The following NXN variants were observed in gnomAD, a reference collection of about 807,000 sequenced individuals.
NXN encodes the protein nucleoredoxin 1.
A neutral mutation model predicts 48.6 loss-of-function variants in NXN; 16 were observed. That is an observed-to-expected ratio of 0.33 (90% CI 0.22 to 0.50). The LOEUF (loss-of-function observed/expected upper bound fraction) is 0.50. Among genes scored for constraint, NXN ranks in the 20% least tolerant of loss-of-function variants. The probability of loss-of-function intolerance (pLI) is 0.98; values close to 1 mark genes in which losing one functional copy is unlikely to be tolerated. For missense variants in NXN, 492 were observed against 605.5 expected (o/e 0.81, Z 1.97); for synonymous variants, 281 against 269.6 (o/e 1.04, Z -0.41).
At chr17:877,425 C>T (rs549180618) in intron 1 of NXN, among the ~76,000 whole-genome samples, 29 of 152,244 alleles carry the variant, frequency 1.9e-4, no homozygotes, top group East Asian at 5.8e-4. Context: ...GAATTACAGG[C>T]GTGAGCCACC....
At chr17:896,856 C>CGGGGGGGGGGGGG in intron 1 of NXN, 2 of 1,156,932 alleles carry the variant, frequency 1.7e-6, no homozygotes, top group Non-Finnish European at 2.2e-6. Context: ...CGGTCCTGAC[C>CGGGGGGGGGGGGG]ACCCGCCCCC....
At chr17:943,694 C>T (rs138798560) in intron 1 of NXN, among the ~76,000 whole-genome samples, 3,557 of 151,618 alleles carry the variant, frequency 0.023, 55 homozygotes, top group Non-Finnish European at 0.035. Context: ...TGGTGATGCA[C>T]GCCTGTAATC....
chr17:920,156 G>A lies in NXN; in HGVS notation c.360+59163C>T, dbSNP rs140563747. 3.8e-4 allele frequency among the ~76,000 whole-genome samples: 57 copies of A among 151,960 alleles called. No individual in the cohort carries two copies. The East Asian group carries it at 7.8e-3, about 21-fold the overall frequency. On this transcript the variant is annotated intron_variant, in intron 1 of 7. Transcript: ENST00000336868. The surrounding 1 kb of genome is among the most constrained non-coding windows in gnomAD (Gnocchi z 4.6). ...CTCAAGCGATCAGCCCATCTCAGCC[G>A]CCCAAAGTGCTGGGATGACAAGCAC...
intron 1 of NXN, among the ~76,000 whole-genome samples, chr17:951,071 T>G (rs2069103427): frequency 6.7e-6 from 1 of 149,206 alleles, no homozygotes; most frequent in Admixed American, 6.8e-5. Context: ...GCACGGTGGC[T>G]CACGCCTGTA....
chr17:951,393 T>C (rs879584249), intron 1 of NXN, among the ~76,000 whole-genome samples: 1 of 151,504 alleles, frequency 6.6e-6, no homozygotes, highest in Non-Finnish European at 1.5e-5. Context: ...TAGAACTTTC[T>C]AACACACCCC....
At chr17:848,160 C>A (rs900632029) in intron 1 of NXN, among the ~76,000 whole-genome samples, 1 of 151,084 alleles carries the variant, frequency 6.6e-6, no homozygotes. Flanking sequence ...TTTTTTGAGA[C>A]GGAGTCCTGC....
intron 1 of NXN, among the ~76,000 whole-genome samples, chr17:976,149 G>T (rs1041720870): frequency 9.2e-5 from 14 of 151,572 alleles, no homozygotes; most frequent in African/African-American, 3.4e-4. Flanking sequence ...GGCAGAAACA[G>T]GACAATTTTG....
At chr17:858,737 AAAAG>A (rs1275326182) in intron 1 of NXN, among the ~76,000 whole-genome samples, 4 of 152,208 alleles carry the variant, frequency 2.6e-5, no homozygotes, top group South Asian at 2.1e-4. Context: ...TCAAAAAAAA[AAAAG>A]AAAGAAAGAA....
intron 1 of NXN, chr17:959,331 C>T: frequency 4.0e-6 from 1 of 252,950 alleles, no homozygotes; most frequent in Non-Finnish European, 7.6e-6. Flanking sequence ...GCCCGCGACA[C>T]TCCAAGGAGG....
chr17:863,914 G>T (rs772446091), intron 1 of NXN: 33 of 1,458,910 alleles, frequency 2.3e-5, no homozygotes, highest in Non-Finnish European at 3.0e-5. Flanking sequence ...TTTATGTCAG[G>T]CTCATACAGT....
At chr17:836,594 T>G (rs1468055094) in intron 1 of NXN, among the ~76,000 whole-genome samples, 3 of 152,142 alleles carry the variant, frequency 2.0e-5, no homozygotes, top group Admixed American at 6.5e-5. Flanking sequence ...TCAGCACAGG[T>G]TCCGGCTCCA....
chr17:835,115 T>C lies in NXN; in HGVS notation c.361-9037A>G, dbSNP rs369146703. ...CAAGGTCAGGAGATCGAGACCATCC[T>C]GGCTAACATGGTGAAACCCTGTCTC... On this transcript the variant is annotated intron_variant, in intron 1 of 7. Transcript: ENST00000336868. Among the ~76,000 whole-genome samples the C allele has an allele frequency of 2.5e-3, 385 of 151,100 alleles. 3 individuals carry two copies. Among genetic ancestry groups the C allele is most frequent in the African/African-American group, 7.3e-3 (302 of 41,322 alleles).
chr17:951,895 G>C (rs888449138), intron 1 of NXN, among the ~76,000 whole-genome samples: 1 of 152,172 alleles, frequency 6.6e-6, no homozygotes, highest in African/African-American at 2.4e-5. Context: ...GGGAAGGGGA[G>C]CTCAGCCTCC....
intron 1 of NXN, chr17:842,646 G>A (rs747942265): frequency 7.7e-5 from 63 of 819,688 alleles, no homozygotes; most frequent in South Asian, 1.1e-4. Flanking sequence ...TTCAGAAAGT[G>A]CACCTTCAGG....
intron 1 of NXN, among the ~76,000 whole-genome samples, chr17:968,753 G>C (rs1479595603): frequency 1.3e-5 from 2 of 151,774 alleles, no homozygotes; most frequent in Non-Finnish European, 2.9e-5. Context: ...GCCTCGTCAA[G>C]ATAGTGAAAC....
chr17:865,215 G>A (rs1433648861), intron 1 of NXN, among the ~76,000 whole-genome samples: 1 of 150,916 alleles, frequency 6.6e-6, no homozygotes, highest in Non-Finnish European at 1.5e-5. Context: ...GAAACTATTG[G>A]TATTACAGGC....
At chr17:898,298 T>A (rs576040118) in intron 1 of NXN, among the ~76,000 whole-genome samples, 1 of 152,224 alleles carries the variant, frequency 6.6e-6, no homozygotes, top group East Asian at 1.9e-4. Flanking sequence ...TGAGAACCAC[T>A]TTCCTAGTTC....
intron 1 of NXN, among the ~76,000 whole-genome samples, chr17:964,883 G>C (rs759884985): frequency 2.6e-5 from 4 of 152,168 alleles, no homozygotes; most frequent in Admixed American, 1.3e-4. Context: ...ATTAGCCAGC[G>C]GGCTTCGCAT....
At chr17:943,483 C>CA (rs961167912) in intron 1 of NXN, among the ~76,000 whole-genome samples, 34 of 151,526 alleles carry the variant, frequency 2.2e-4, no homozygotes, top group Non-Finnish European at 3.7e-4. Context: ...CTTGAGATCC[C>CA]AAAAAAAAGT....
Sources: gnomAD v4.1 joint callset for allele counts (sites outside exome capture counted in the v4.1 genomes callset) on GRCh38, gnomAD v4.1.1 for gene constraint, Gnocchi (gnomAD v3.1) non-coding constraint, MANE v1.5 for transcripts, NCBI Gene and HGNC (gene_info 2026-07-23, HGNC 2026-07-21) for gene names.